Variants in TTN observed in about 807,000 individuals in gnomAD.
TTN encodes connectin.
In TTN, 1,525 loss-of-function variants were observed where a neutral mutation model predicts 3,223.0. The ratio of observed to expected loss-of-function variants is 0.47; its 90% CI spans 0.45 to 0.49. The LOEUF is 0.49. Among genes scored for constraint, TTN ranks in the 20% least tolerant of loss-of-function variants. The pLI is 0.00. For missense variants in TTN, 40,786 were observed against 43,424.0 expected, an observed-to-expected ratio of 0.94 and a Z score of 5.40; for synonymous variants, 14,094 against 15,161.0, an observed-to-expected ratio of 0.93 and a Z score of 5.17.
chr2:178,606,512 A>G (rs1269188783), intron 278 of TTN, among the ~76,000 whole-genome samples: 2 of 151,606 alleles, frequency 1.3e-5, no homozygotes, highest in Non-Finnish European at 2.9e-5. Context: ...TTTCGTATTG[A>G]TTTCTGGGAG....
chr2:178,693,821 A>G, intron 118 of TTN, 101 bp downstream of exon 118: 1 of 1,242,202 alleles, frequency 8.1e-7, no homozygotes, highest in Non-Finnish European at 1.1e-6. Flanking sequence ...ATTTACAAGG[A>G]GACAGAAATG....
rs1470758075 is a variant in TTN, at chr2:178,589,986, T to C, written c.61739A>G (p.Asn20580Ser). The C allele has an allele frequency of 1.2e-6, 2 of 1,613,174 alleles. No homozygotes were observed. The highest frequency in any genetic ancestry group is 1.1e-5 in the South Asian group (1 of 91,060). The change falls in exon 304 of 363, where the codon AAT (asparagine) becomes AGT (serine). Residue 20580 changes from asparagine to serine, a missense_variant. Coordinates refer to ENST00000589042, the MANE Select transcript of TTN (RefSeq NM_001267550.2). ...PGPCQNLKVTNVTKENCTISW... is the reference protein window; with the variant it reads ...PGPCQNLKVTSVTKENCTISW... ...AATTGTACAGTTCTCTTTGGTTACA[T>C]TGGTAACCTTCAAATTCTGGCAAGG...
In TTN at chr2:178,594,065, G is replaced by A. The variant is rs1360001030; in HGVS notation, c.58328C>T (p.Ala19443Val). The change falls in exon 297 of 363, where the codon GCT becomes GTT. Residue 19443 changes from alanine (A) to valine (V), a missense_variant. Ala to Val is a moderately conservative substitution (Grantham distance 64). Transcript: ENST00000589042. Reference protein sequence around the residue: ...THIKTTPATLALEKIKAKRSD... With the variant: ...THIKTTPATLVLEKIKAKRSD... Reference sequence around the variant, plus strand: ...ACGTTTGGCCTTGATCTTCTCTAAAGCAAGTGTTGCTGGTGTAGTCTTTAT... The same window carrying A: ...ACGTTTGGCCTTGATCTTCTCTAAAACAAGTGTTGCTGGTGTAGTCTTTAT... 6.2e-7 allele frequency: 1 copy of A among 1,613,446 alleles called. No homozygotes were observed. The highest frequency in any genetic ancestry group is 1.1e-5 in the South Asian group (1 of 91,066).
At position 178,709,565 on chromosome 2, in the gene TTN, C is replaced by T. The variant is rs774225594; in HGVS notation, c.28753+1G>A. On this transcript the variant is annotated splice_donor_variant, in intron 99 of 362. Coordinates refer to ENST00000589042, the MANE Select transcript of TTN (RefSeq NM_001267550.2). LOFTEE classifies it high-confidence loss of function. ...AGGTTGGGGCTGTGAGGATAACTCA[C>T]CTTTGATGACGATTGAAGACGTGCA... The T allele has an allele frequency of 3.7e-6, 6 of 1,601,846 alleles. No individual in the cohort carries two copies. The highest frequency in any genetic ancestry group is 4.3e-6 in the Non-Finnish European group (5 of 1,170,068).
chr2:178,779,915 C>T, intron 22 of TTN, 85 bp downstream of exon 22: 1 of 1,401,416 alleles, frequency 7.1e-7, no homozygotes, highest in South Asian at 1.2e-5. Context: ...ACCCCGAGCT[C>T]ATCACTTGAA....
chr2:178,548,292 C>G lies in TTN; in HGVS notation c.93334G>C (p.Glu31112Gln). The G allele has an allele frequency of 6.2e-7, 1 of 1,613,852 alleles. No homozygotes were observed. Among genetic ancestry groups the G allele is most frequent in the Non-Finnish European group, 8.5e-7 (1 of 1,179,810 alleles). ...YEMPEPIVAT[E>Q]QPAPPRRLDV... ...AGTCTCCTAGGTGGAGCAGGCTGTT[C>G]TGTGGCTACAATTGGTTCTGGCATT... Residue 31112 changes from glutamate to glutamine, a missense_variant, in exon 339 of 363, where the codon GAA becomes CAA. Glu to Gln is a conservative substitution (Grantham distance 29). Coordinates refer to ENST00000589042, the MANE Select transcript of TTN (RefSeq NM_001267550.2). This position sits in a 1 kb window ranked among gnomAD's most constrained non-coding sequence, Gnocchi z 4.3.
chr2:178,557,964 A>T lies in TTN; in HGVS notation c.87390T>A (p.Ile29130=), dbSNP rs876657616. 1 of 1,613,410 alleles carries T rather than the reference A, an allele frequency of 6.2e-7. No individual in the cohort carries two copies. The highest frequency in any genetic ancestry group is 8.5e-7 in the Non-Finnish European group (1 of 1,179,846). Residue 29130 remains isoleucine (I), a synonymous_variant, in exon 328 of 363, where the codon ATT becomes ATA. Coordinates refer to ENST00000589042, the MANE Select transcript of TTN (RefSeq NM_001267550.2). ...CAGGCCTGTCTAGCACAACAATGTT[A>T]ATGAAAGCTTTGGTTGTACCACTGG... The part of the protein sequence containing the change: ...ANSSGTTKAF[I]NIVVLDRPGP...
At position 178,577,905 on chromosome 2, in the gene TTN, CAT is replaced by C. The variant is rs747077637; in HGVS notation, c.68528-9_68528-8del. The C allele has an allele frequency of 1.9e-6, 3 of 1,581,546 alleles. No homozygotes were observed. The South Asian group carries it at 3.5e-5, about 19-fold the overall frequency. ...TCAGGTTTTCCAGGAGGATCTAAAACATAAAAGCAAAACCAGTCAAACAAATA... is the reference window on the plus strand; with the variant it reads ...TCAGGTTTTCCAGGAGGATCTAAAACAAAAGCAAAACCAGTCAAACAAATA... On this transcript the variant is annotated splice_polypyrimidine_tract_variant and splice_region_variant and intron_variant, in intron 322 of 362. Coordinates refer to ENST00000589042, the MANE Select transcript of TTN (RefSeq NM_001267550.2).
chr2:178,672,425 C>T lies in TTN; in HGVS notation c.34912G>A (p.Ala11638Thr). 6.2e-7 allele frequency: 1 copy of T among 1,600,996 alleles called. No homozygotes were observed. The highest frequency in any genetic ancestry group is 1.1e-5 in the South Asian group (1 of 87,082). Residue 11638 changes from alanine to threonine, a missense_variant, in exon 154 of 363, where the codon GCT becomes ACT. Physicochemically the swap from Ala to Thr is moderately conservative, Grantham distance 58 (BLOSUM62 0). Coordinates refer to ENST00000589042, the MANE Select transcript of TTN (RefSeq NM_001267550.2). ...EKKVLVPKKE[A>T]VPPAKGRTVL... ...AAAATACCTTTAGCTGGGGGAACAG[C>T]TTCCTTTTTAGGCACAAGGACTTTC...
At chr2:178,607,352 A>T (rs1229594532) in intron 277 of TTN, 38 bp from the exon 278 acceptor site, 1 of 1,612,494 alleles carries the variant, frequency 6.2e-7, no homozygotes, top group Non-Finnish European at 8.5e-7. Flanking sequence ...ATGTAATAAG[A>T]TAGTATCACT....
intron 241 of TTN, among the ~76,000 whole-genome samples, chr2:178,624,968 G>C (rs2154215326): frequency 6.6e-6 from 1 of 151,922 alleles, no homozygotes; most frequent in East Asian, 1.9e-4. Context: ...GCCAACTCTT[G>C]GTTAATAAAG....
rs1481856511 is a variant in TTN at position 178,608,834 on chromosome 2, G to A, written c.52177C>T (p.Pro17393Ser). 1 of 1,612,240 alleles carries A rather than the reference G, an allele frequency of 6.2e-7. No homozygotes were observed. The highest frequency in any genetic ancestry group is 8.5e-7 in the Non-Finnish European group (1 of 1,179,216). ...KTSVLCKWEP[P>S]LDDGGSEIIN... ...ATTTCACTGCCACCATCATCAAGGG[G>A]TGGTTCCCATTTACAAAGGACTGAG... Residue 17393 changes from proline to serine, a missense_variant, in exon 274 of 363, where the codon CCC (proline) becomes TCC (serine). Physicochemically the swap from Pro to Ser is moderately conservative, Grantham distance 74. Transcript: ENST00000589042.
chr2:178,766,591 C>G lies in TTN; in HGVS notation c.9493G>C (p.Val3165Leu). 2 of 1,613,970 alleles carry G rather than the reference C, an allele frequency of 1.2e-6. No homozygotes were observed. The highest frequency in any genetic ancestry group is 1.7e-6 in the Non-Finnish European group (2 of 1,179,918). ...TCTTCATTGACCTCAAATTCAACAA[C>G]AGCACGCTGTTTCTCAATGACCTGT... ...EVQVIEKQRA[V>L]VEFEVNEDDV... Residue 3165 changes from valine (V) to leucine (L), a missense_variant, in exon 41 of 363, where the codon GTT (valine) becomes CTT (leucine). Val to Leu is a conservative substitution (Grantham distance 32). Transcript: ENST00000589042.
chr2:178,793,115 C>T (rs1272516326), intron 9 of TTN, among the ~76,000 whole-genome samples: 1 of 152,202 alleles, frequency 6.6e-6, no homozygotes, highest in Non-Finnish European at 1.5e-5. Context: ...TCTGTCCTCT[C>T]CCTATAGTCT....
rs192429683 is a variant in TTN at position 178,791,964 on chromosome 2, T to C, written c.1662+108A>G. 137 of 1,242,336 alleles carry C rather than the reference T, an allele frequency of 1.1e-4. No individual in the cohort carries two copies. In the African/African-American group the frequency reaches 1.9e-3, roughly 17 times the overall value. 77.0% of individuals were successfully genotyped at this position (1,242,336 alleles called of 1,614,324 possible). ...CATAGAGGAACAATAACAAAAAATATACAACCAAAGACTTCTCCATTTAAG... is the reference window on the plus strand; with the variant it reads ...CATAGAGGAACAATAACAAAAAATACACAACCAAAGACTTCTCCATTTAAG... On this transcript the variant is annotated intron_variant, in intron 10 of 362. Coordinates refer to ENST00000589042, the MANE Select transcript of TTN (RefSeq NM_001267550.2).
rs370670281 is a variant in TTN, at chr2:178,731,369, T to C, written c.17397A>G (p.Lys5799=). 3.7e-6 allele frequency: 6 copies of C among 1,613,706 alleles called. No homozygotes were observed. The highest frequency in any genetic ancestry group is 2.2e-5 in the East Asian group (1 of 44,878). ...LSGIEVKHDG[K]YVCQAKNDAG... ...CATCATTTTTGGCCTGACAGACATATTTCCCATCATGCTTGACTTCAATGC... is the reference window on the plus strand; with the variant it reads ...CATCATTTTTGGCCTGACAGACATACTTCCCATCATGCTTGACTTCAATGC... The change falls in exon 59 of 363, where the codon AAA becomes AAG. Residue 5799 remains lysine, a synonymous_variant. Transcript: ENST00000589042.
At chr2:178,799,094 A>C (rs2093915570) in intron 6 of TTN, 1 of 208,910 alleles carries the variant, frequency 4.8e-6, no homozygotes. Flanking sequence ...TGAAACTTAC[A>C]CGGGAGGAGG....
In TTN at chr2:178,779,228, C is replaced by A. The variant is rs1561325112; in HGVS notation, c.3963+1G>T. The A allele has an allele frequency of 1.2e-6, 2 of 1,613,418 alleles. No individual in the cohort carries two copies. The highest frequency in any genetic ancestry group is 1.7e-6 in the Non-Finnish European group (2 of 1,179,772). On this transcript the variant is annotated splice_donor_variant, in intron 23 of 362. Transcript: ENST00000589042. LOFTEE classifies it high-confidence loss of function. ...AGCTATGATAAATGTTTATATTTTACCTTTGGTAATGGATATCCAGACATC... is the reference window on the plus strand; with the variant it reads ...AGCTATGATAAATGTTTATATTTTAACTTTGGTAATGGATATCCAGACATC...
chr2:178,593,026 T>G lies in TTN; in HGVS notation c.59093A>C (p.Asp19698Ala), dbSNP rs878974246. 5.0e-6 allele frequency: 8 copies of G among 1,613,326 alleles called. No homozygotes were observed. Among genetic ancestry groups the G allele is most frequent in the Non-Finnish European group, 6.8e-6 (8 of 1,179,616 alleles). The change falls in exon 300 of 363, where the codon GAT becomes GCT. Residue 19698 changes from aspartate (D) to alanine (A), a missense_variant. Transcript: ENST00000589042. ...ATGACGTGGTGGCTGCCAAGTTAGATCGACTGAATTGCATGTTGTATCTAT... is the reference window on the plus strand; with the variant it reads ...ATGACGTGGTGGCTGCCAAGTTAGAGCGACTGAATTGCATGTTGTATCTAT... ...EAIDTTCNSV[D>A]LTWQPPRHDG... is the part of the protein sequence containing the mutation.
Sources: gnomAD v4.1 joint callset for allele counts (sites outside exome capture counted in the v4.1 genomes callset) on GRCh38, gnomAD v4.1.1 for gene constraint, Gnocchi (gnomAD v3.1) non-coding constraint, MANE v1.5 for transcripts, NCBI Gene and HGNC (gene_info 2026-07-23, HGNC 2026-07-21) for gene names.